ERG: variants seen among roughly 807,000 people sequenced by gnomAD.
ERG encodes the protein transcriptional regulator ERG.
In ERG, 9 loss-of-function variants were observed where a neutral mutation model predicts 55.3. That is an observed-to-expected ratio of 0.16 (90% CI 0.10 to 0.28). ERG has a LOEUF of 0.28. Ranked by LOEUF, ERG falls within the 10% of genes least tolerant of loss-of-function variation. ERG has a pLI of 1.00. For synonymous variants in ERG, 223 were observed against 237.3 expected (o/e 0.94, Z 0.55); for missense variants, 434 against 631.6 (o/e 0.69, Z 3.35).
At chr21:38,394,071 C>T (rs1304748136) in intron 6 of ERG, among the ~76,000 whole-genome samples, 1 of 152,138 alleles carries the variant, frequency 6.6e-6, no homozygotes, top group East Asian at 1.9e-4. Flanking sequence ...AACTGGACAG[C>T]CAGAGTTTCA....
At chr21:38,529,577 G>A (rs2032322) in intron 2 of ERG, among the ~76,000 whole-genome samples, 1 of 152,012 alleles carries the variant, frequency 6.6e-6, no homozygotes, top group African/African-American at 2.4e-5. Flanking sequence ...TTTTCTTAGA[G>A]AGAAGCCACG....
chr21:38,518,425 A>G (rs1030803788), intron 2 of ERG, among the ~76,000 whole-genome samples: 2 of 152,134 alleles, frequency 1.3e-5, no homozygotes, highest in African/African-American at 4.8e-5. Flanking sequence ...CAAATCAGAC[A>G]ATGGAAAAGA....
chr21:38,474,444 A>T (rs773660095), intron 1 of ERG, among the ~76,000 whole-genome samples: 2 of 152,162 alleles, frequency 1.3e-5, no homozygotes, highest in Non-Finnish European at 2.9e-5. Context: ...CCTGGAGAGA[A>T]CTGTCCTCCC....
intron 2 of ERG, among the ~76,000 whole-genome samples, chr21:38,509,931 G>A (rs995102805): frequency 6.6e-6 from 1 of 152,106 alleles, no homozygotes; most frequent in African/African-American, 2.4e-5. Context: ...CTTCCAGGAC[G>A]CCCCAGGGGC....
intron 2 of ERG, among the ~76,000 whole-genome samples, chr21:38,506,686 T>C (rs1015601064): frequency 6.6e-6 from 1 of 152,178 alleles, no homozygotes; most frequent in African/African-American, 2.4e-5. Flanking sequence ...TAAAAATATC[T>C]GCAGTATTTC....
chr21:38,421,809 A>C (rs529866704), intron 3 of ERG, among the ~76,000 whole-genome samples: 1 of 152,286 alleles, frequency 6.6e-6, no homozygotes, highest in East Asian at 1.9e-4. Flanking sequence ...TGTGGGGCTT[A>C]TGTTCCATTC....
intron 3 of ERG, among the ~76,000 whole-genome samples, chr21:38,411,057 G>C (rs1989023924): frequency 6.6e-6 from 1 of 152,172 alleles, no homozygotes; most frequent in Non-Finnish European, 1.5e-5. Context: ...GCAAAAATAA[G>C]ATTTAACATC....
chr21:38,382,838 T>C lies in ERG; in HGVS notation c.*565A>G. On this transcript the variant is annotated 3_prime_UTR_variant, in exon 10 of 10. Transcript: ENST00000288319. Reference sequence around the variant, plus strand: ...GTTTGAGAAAGCTGACAGCTGTCCATCAAACGGAATGTATTTGATTTCAAC... The same window carrying C: ...GTTTGAGAAAGCTGACAGCTGTCCACCAAACGGAATGTATTTGATTTCAAC... The C allele has an allele frequency of 9.4e-7, 1 of 1,066,252 alleles. No homozygotes were observed. Among genetic ancestry groups the C allele is most frequent in the Non-Finnish European group, 1.1e-6 (1 of 879,552 alleles). The allele number at this position is 1,066,252 out of a possible 1,614,324, so 66.0% of individuals were successfully genotyped here.
intron 1 of ERG, among the ~76,000 whole-genome samples, chr21:38,660,055 C>G (rs1458321363): frequency 1.7e-5 from 1 of 59,134 alleles, no homozygotes; most frequent in Non-Finnish European, 5.6e-5. Flanking sequence ...CCGCTCCTGG[C>G]GCTGAGAGCT....
At chr21:38,456,763 C>T (rs1041315481) in intron 1 of ERG, among the ~76,000 whole-genome samples, 1 of 152,206 alleles carries the variant, frequency 6.6e-6, no homozygotes, top group Non-Finnish European at 1.5e-5. Flanking sequence ...ATGTCTGACT[C>T]CCTGGGGCTG....
intron 9 of ERG, among the ~76,000 whole-genome samples, chr21:38,384,192 G>C (rs1220853270): frequency 6.6e-6 from 1 of 152,212 alleles, no homozygotes; most frequent in Non-Finnish European, 1.5e-5. Flanking sequence ...GGGGTACCAC[G>C]GGCCGGCCCC....
At chr21:38,488,680 C>T (rs1192748778) in intron 1 of ERG, among the ~76,000 whole-genome samples, 2 of 152,190 alleles carry the variant, frequency 1.3e-5, no homozygotes, top group Non-Finnish European at 2.9e-5. Context: ...AAAGCAAAAT[C>T]TAAAATGACC....
chr21:38,583,273 G>A (rs1476220857), intron 1 of ERG, among the ~76,000 whole-genome samples: 1 of 152,216 alleles, frequency 6.6e-6, no homozygotes, highest in East Asian at 1.9e-4. Context: ...TATGGGGCAG[G>A]AAGAAGGAGG....
In ERG at chr21:38,475,593, C is replaced by T. The variant is rs577615590; in HGVS notation, c.18+22770G>A. Among the ~76,000 whole-genome samples, 5 of 152,220 alleles carry T rather than the reference C, an allele frequency of 3.3e-5. No homozygotes were observed. In the South Asian group the frequency reaches 1.0e-3, roughly 32 times the overall value. On this transcript the variant is annotated intron_variant, in intron 1 of 9. Coordinates refer to ENST00000288319, the MANE Select transcript of ERG (RefSeq NM_182918.4). ...ATCACTCCTCCGAGGCATTTGCAAACCTTGTTCTCACCTTTTCTTTGGGTC... is the reference window on the plus strand; with the variant it reads ...ATCACTCCTCCGAGGCATTTGCAAATCTTGTTCTCACCTTTTCTTTGGGTC...
chr21:38,423,480 G>C lies in ERG; in HGVS notation c.318C>G (p.Ser106Arg), dbSNP rs776363614. 1 of 1,614,156 alleles carries C rather than the reference G, an allele frequency of 6.2e-7. No individual in the cohort carries two copies. Among genetic ancestry groups the C allele is most frequent in the Non-Finnish European group, 8.5e-7 (1 of 1,180,010 alleles). Residue 106 changes from serine (S) to arginine (R), a missense_variant, in exon 3 of 10, where the codon AGC becomes AGG. Physicochemically the swap from Ser to Arg is moderately radical, Grantham distance 110. Around this residue, in one of 5 missense-constraint regions of ERG, gnomAD observed 212 missense variants for 262.9 expected, o/e 0.81. Coordinates refer to ENST00000288319, the MANE Select transcript of ERG (RefSeq NM_182918.4). ...SPDTVGMNYG[S>R]YMEEKHMPPP... ...GTGGCATGTGCTTCTCCTCCATGTAGCTGCCGTAGTTCATCCCAACGGTGT... is the reference window on the plus strand; with the variant it reads ...GTGGCATGTGCTTCTCCTCCATGTACCTGCCGTAGTTCATCCCAACGGTGT...
In ERG at chr21:38,438,977, C is replaced by T. The variant is rs186457255; in HGVS notation, c.236+6427G>A. On this transcript the variant is annotated intron_variant, in intron 2 of 9. Transcript: ENST00000288319. ...AACAAGCTCCCAGGTGGAGGTGATG[C>T]TGCTGGTCCCGGAGCCCACGCTGAG... 3.5e-3 allele frequency among the ~76,000 whole-genome samples: 531 copies of T among 152,328 alleles called. 4 individuals carry two copies. Among genetic ancestry groups the T allele is most frequent in the African/African-American group, 0.012 (515 of 41,588 alleles).
At chr21:38,470,932 G>A (rs1294260655) in intron 1 of ERG, 1 of 152,230 alleles carries the variant, frequency 6.6e-6, no homozygotes, top group Non-Finnish European at 1.5e-5. Flanking sequence ...GGGGAGGGTC[G>A]AGGTGACTCA....
chr21:38,402,729 AAAG>A lies in ERG; in HGVS notation c.593-95_593-93del, dbSNP rs1251663166. The A allele has an allele frequency of 1.1e-4, 89 of 795,184 alleles. No homozygotes were observed. The Middle Eastern group carries it at 1.2e-3, about 10-fold the overall frequency. 49.3% of individuals were successfully genotyped at this position (795,184 alleles called of 1,614,324 possible). A position where few individuals can be genotyped will look rare whatever the true frequency, so the allele number is the denominator to read the frequency against. ...CTTTCTTACAAAAAAAAAAAAAAAA[AAAG>A]AAAGAAAAAGAAAGAAAGAAAACCG... On this transcript the variant is annotated intron_variant, in intron 4 of 9. Coordinates refer to ENST00000288319, the MANE Select transcript of ERG (RefSeq NM_182918.4).
chr21:38,444,391 C>T (rs1490475100), intron 2 of ERG, among the ~76,000 whole-genome samples: 2 of 152,248 alleles, frequency 1.3e-5, no homozygotes, highest in East Asian at 3.9e-4. Context: ...TGAGGGGCTA[C>T]TGGATATAAA....
Sources: allele counts gnomAD v4.1 joint callset (sites outside exome capture counted in the v4.1 genomes callset), GRCh38; gene constraint gnomAD v4.1.1; regional missense constraint gnomAD v4.1.1; transcripts MANE v1.5; gene names NCBI Gene and HGNC (gene_info 2026-07-23, HGNC 2026-07-21).